The following TEDC1 variants were observed in gnomAD, a reference collection of about 807,000 sequenced individuals.
The protein encoded by TEDC1 is tubulin epsilon and delta complex 1.
Under a neutral mutation model 59.9 loss-of-function variants are expected in TEDC1, and 54 were observed. The observed-to-expected ratio is 0.90, with a 90% CI of 0.72 to 1.13. The LOEUF (loss-of-function observed/expected upper bound fraction) is 1.13, where lower values mean the gene tolerates loss of function less well. TEDC1 is among the 50% of genes most tolerant of loss of function. The probability of loss-of-function intolerance (pLI) is 0.00; values close to 1 mark genes in which losing one functional copy is unlikely to be tolerated. For synonymous variants in TEDC1, 353 were observed against 298.1 expected, an observed-to-expected ratio of 1.18 and a Z score of -1.90; for missense variants, 734 against 683.4, an observed-to-expected ratio of 1.07 and a Z score of -0.83.
intron 5 of TEDC1, 173 bp from the exon 6 acceptor site, chr14:105,495,707 G>T (rs2084328971): frequency 4.9e-6 from 3 of 616,288 alleles, no homozygotes. Flanking sequence ...GGGACCCCTG[G>T]GTTGGGGCAG....
intron 7 of TEDC1, 112 bp downstream of exon 7, chr14:105,497,555 C>T: frequency 7.5e-7 from 1 of 1,326,898 alleles, no homozygotes; most frequent in Non-Finnish European, 1.0e-6. Context: ...TTAGGGAGGC[C>T]ACAGACCTAG....
chr14:105,497,211 C>A (rs2084365742), intron 6 of TEDC1, 146 bp from the exon 7 acceptor site: 3 of 798,500 alleles, frequency 3.8e-6, no homozygotes, highest in African/African-American at 3.5e-5. Flanking sequence ...GGCCAGAGAA[C>A]CTGGGCGCAG....
At chr14:105,498,516 G>T in intron 8 of TEDC1, 101 bp from the exon 9 acceptor site, 1 of 1,287,758 alleles carries the variant, frequency 7.8e-7, no homozygotes. Context: ...TTTCCCGCAT[G>T]CCTGCAGCGC....
In TEDC1 at chr14:105,491,336, G is replaced by A. The variant is rs782732626; in HGVS notation, c.-40G>A. 8 of 1,461,920 alleles carry A rather than the reference G, an allele frequency of 5.5e-6. No individual in the cohort carries two copies. The highest frequency in any genetic ancestry group is 7.2e-6 in the Non-Finnish European group (8 of 1,111,682). 90.6% of individuals were successfully genotyped at this position (1,461,920 alleles called of 1,614,324 possible). A position where few individuals can be genotyped will look rare whatever the true frequency, so the allele number is the denominator to read the frequency against. ...TGATTGGACGCAGGCCCCGGGCCGC[G>A]GCGGAGGCGGGCGATCCGAAAGAGG... On this transcript the variant is annotated 5_prime_UTR_variant, in exon 1 of 9. Transcript: ENST00000392523.
At chr14:105,498,544 C>G in intron 8 of TEDC1, 73 bp from the exon 9 acceptor site, 2 of 1,440,250 alleles carry the variant, frequency 1.4e-6, no homozygotes, top group Non-Finnish European at 1.8e-6. Context: ...TGAGTCTGGG[C>G]TCAGGGAATG....
At position 105,491,294 on chromosome 14, in the gene TEDC1, A is replaced by G. The variant is rs2084199861; in HGVS notation, c.-82A>G. 2 of 1,504,278 alleles carry G rather than the reference A, an allele frequency of 1.3e-6. No individual in the cohort carries two copies. The highest frequency in any genetic ancestry group is 1.8e-6 in the Non-Finnish European group (2 of 1,129,410). 93.2% of individuals were successfully genotyped at this position (1,504,278 alleles called of 1,614,324 possible). On this transcript the variant is annotated 5_prime_UTR_variant, in exon 1 of 9. Transcript: ENST00000392523. ...GGGCGCAGGTCCCAGCCGCCGCACT[A>G]AACCCGGCCCGTGCGGTGATTGGAC...
intron 4 of TEDC1, among the ~76,000 whole-genome samples, chr14:105,493,241 G>A (rs587743778): frequency 7.2e-5 from 11 of 152,150 alleles, no homozygotes; most frequent in South Asian, 2.1e-4. Context: ...GTGGGTCTGT[G>A]GCAGCGGCGG....
At position 105,495,662 on chromosome 14, in the gene TEDC1, GAGGCGGCTC is replaced by G. The variant is rs1434999623; in HGVS notation, c.685-215_685-207del. The G allele has an allele frequency of 1.2e-5, 7 of 563,740 alleles. No homozygotes were observed. The Admixed American group carries it at 2.3e-4, about 18-fold the overall frequency. 34.9% of individuals were successfully genotyped at this position (563,740 alleles called of 1,614,324 possible). A position where few individuals can be genotyped will look rare whatever the true frequency, so the allele number is the denominator to read the frequency against. ...TGCCCTTGTCCCTACCTGCCTTGTAGAGGCGGCTCAGCGAAGCCCAGGCTTCTGGCCCCT... is the reference window on the plus strand; with the variant it reads ...TGCCCTTGTCCCTACCTGCCTTGTAGAGCGAAGCCCAGGCTTCTGGCCCCT... On this transcript the variant is annotated intron_variant, in intron 5 of 8. Coordinates refer to ENST00000392523, the MANE Select transcript of TEDC1 (RefSeq NM_001367178.1).
In TEDC1 at chr14:105,497,986, C is replaced by T. The variant is rs587645301; in HGVS notation, c.1158+9C>T. ...CGGCCTGGGAGGCCAAGGTGAGTGCCAGCCTCGCTCTGGGCACCAGCCCAG... is the reference window on the plus strand; with the variant it reads ...CGGCCTGGGAGGCCAAGGTGAGTGCTAGCCTCGCTCTGGGCACCAGCCCAG... On this transcript the variant is annotated intron_variant, in intron 8 of 8. Coordinates refer to ENST00000392523, the MANE Select transcript of TEDC1 (RefSeq NM_001367178.1). 7.9e-6 allele frequency: 12 copies of T among 1,510,348 alleles called. No homozygotes were observed. The Admixed American group carries it at 2.2e-4, about 28-fold the overall frequency. The allele number at this position is 1,510,348 out of a possible 1,614,324, so 93.6% of individuals were successfully genotyped here. A position where few individuals can be genotyped will look rare whatever the true frequency, so the allele number is the denominator to read the frequency against.
At chr14:105,498,084 A>G (rs1555440888) in intron 8 of TEDC1, 107 bp downstream of exon 8, 7 of 1,323,394 alleles carry the variant, frequency 5.3e-6, no homozygotes, top group East Asian at 2.7e-5. Context: ...TTTGTCAAGC[A>G]TGGCAGGGGA....
intron 6 of TEDC1, 151 bp downstream of exon 6, chr14:105,496,237 C>A: frequency 1.3e-6 from 1 of 786,280 alleles, no homozygotes; most frequent in South Asian, 1.8e-5. Context: ...TGCCTTCTGT[C>A]AGGTGTGTTG....
At chr14:105,490,042 G>C (rs1182551677), upstream of TEDC1, 1 of 152,282 alleles carries the variant, frequency 6.6e-6, no homozygotes, top group African/African-American at 2.4e-5. Flanking sequence ...CGCGTGGGCG[G>C]GGTGAGGAGC....
At chr14:105,493,259 C>G (rs1386412824) in intron 4 of TEDC1, among the ~76,000 whole-genome samples, 4 of 152,108 alleles carry the variant, frequency 2.6e-5, no homozygotes, top group East Asian at 1.9e-4. Flanking sequence ...CGGGCTCCCA[C>G]CAGCGCGGGA....
At position 105,497,419 on chromosome 14, in the gene TEDC1, T is replaced by C. The variant is rs1311549935; in HGVS notation, c.954T>C (p.Ser318=). The C allele has an allele frequency of 6.5e-7, 1 of 1,550,312 alleles. No homozygotes were observed. Among genetic ancestry groups the C allele is most frequent in the Non-Finnish European group, 8.7e-7 (1 of 1,148,608 alleles). ...RLEAVLAWRR[S]ELVFWRWMDT... is the part of the protein sequence containing the mutation. ...AGGCTGTCCTGGCGTGGCGGCGCTC[T>C]GAGCTGGTCTTCTGGCGGTGGATGG... is the stretch of plus-strand genomic sequence containing the variant. The change falls in exon 7 of 9, where the codon TCT becomes TCC. Residue 318 remains serine, a synonymous_variant. Transcript: ENST00000392523.
In TEDC1 at chr14:105,492,191, C is replaced by T. The variant is rs368575867; in HGVS notation, c.311C>T (p.Ser104Leu). Reference sequence around the variant, plus strand: ...CTGGCACAACTACCTGAGGATGGCTCGCAGGGCAGTCGGGAGCTGCTGCTG... The same window carrying T: ...CTGGCACAACTACCTGAGGATGGCTTGCAGGGCAGTCGGGAGCTGCTGCTG... ...LALAQLPEDGSQGSRELLLAL... is the reference protein window; with the variant it reads ...LALAQLPEDGLQGSRELLLAL... The change falls in exon 3 of 9, where the codon TCG (serine) becomes TTG (leucine). Residue 104 changes from serine to leucine, a missense_variant. By Grantham distance (145) the Ser-to-Leu change is moderately radical. Coordinates refer to ENST00000392523, the MANE Select transcript of TEDC1 (RefSeq NM_001367178.1). 2.3e-5 allele frequency: 37 copies of T among 1,612,768 alleles called. No individual in the cohort carries two copies. Among genetic ancestry groups the T allele is most frequent in the South Asian group, 8.8e-5 (8 of 91,086 alleles).
chr14:105,497,880 G>A lies in TEDC1; in HGVS notation c.1061G>A (p.Gly354Glu), dbSNP rs1555440795. The A allele has an allele frequency of 1.3e-6, 2 of 1,559,622 alleles. No homozygotes were observed. Among genetic ancestry groups the A allele is most frequent in the Admixed American group, 3.9e-5 (2 of 51,842 alleles). The change falls in exon 8 of 9, where the codon GGG becomes GAG. Residue 354 changes from glycine to glutamate, a missense_variant. Transcript: ENST00000392523. ...PTFLPWVPER[G>E]GGELDLVVRE... ...TTCCTGCCCTGGGTCCCCGAGCGCG[G>A]GGGTGGCGAGTTGGACCTGGTAGTG...
chr14:105,492,043 A>C, intron 2 of TEDC1, 64 bp from the exon 3 acceptor site: 1 of 1,496,978 alleles, frequency 6.7e-7, no homozygotes. Context: ...GGGTCTCTGG[A>C]GGGATCCAGG....
upstream of TEDC1, chr14:105,490,979 A>G (rs2084192005): frequency 6.6e-7 from 1 of 1,504,072 alleles, no homozygotes; most frequent in Admixed American, 2.0e-5. Context: ...CCATATCAAC[A>G]GCCCTGCCAG....
chr14:105,494,641 G>A (rs1296214498), intron 5 of TEDC1: 2 of 152,576 alleles, frequency 1.3e-5, no homozygotes, highest in Admixed American at 1.3e-4. Flanking sequence ...GTGACCTTGG[G>A]GAGACAGCAT....
Sources: allele counts gnomAD v4.1 joint callset (sites outside exome capture counted in the v4.1 genomes callset), GRCh38; gene constraint gnomAD v4.1.1; transcripts MANE v1.5; gene names NCBI Gene and HGNC (gene_info 2026-07-23, HGNC 2026-07-21).